Variants in GCNT1 observed in about 807,000 individuals in gnomAD.
GCNT1 encodes glucosaminyl (N-acetyl) transferase 1, also known as beta-1,3-galactosyl-O-glycosyl-glycoprotein beta-1,6-N-acetylglucosaminyltransferase.
In GCNT1, 16 loss-of-function variants were observed where a neutral mutation model predicts 26.2. The observed-to-expected ratio is 0.61, with a 90% CI of 0.41 to 0.93. The LOEUF is 0.93. Ranked by LOEUF, GCNT1 falls within the 40% of genes least tolerant of loss-of-function variation. The pLI is 0.00. For synonymous variants in GCNT1, 183 were observed against 190.8 expected (o/e 0.96, Z 0.34); for missense variants, 477 against 526.7 (o/e 0.91, Z 0.92).
At chr9:76,402,798 G>A in the GCNT1 span, among the ~76,000 whole-genome samples, 1 of 151,750 alleles carries the variant, frequency 6.6e-6, no homozygotes, top group African/African-American at 2.4e-5. Context: ...TCCTGCCTCA[G>A]CCTCCTGAGT....
intron 1 of GCNT1, among the ~76,000 whole-genome samples, chr9:76,452,377 T>C (rs901496169): frequency 6.6e-6 from 1 of 152,220 alleles, no homozygotes; most frequent in African/African-American, 2.4e-5. Flanking sequence ...TATGCTCCAC[T>C]AGTCTATCTT....
intron 2 of GCNT1, among the ~76,000 whole-genome samples, chr9:76,498,787 A>G (rs111266298): frequency 6.9e-4 from 65 of 93,882 alleles, no homozygotes; most frequent in South Asian, 4.1e-3. Context: ...AAAAAAAAAA[A>G]AAAGAAAAAA....
At chr9:76,437,080 A>T (rs1823420067), upstream of GCNT1, among the ~76,000 whole-genome samples, 1 of 152,162 alleles carries the variant, frequency 6.6e-6, no homozygotes, top group Non-Finnish European at 1.5e-5. Flanking sequence ...CACATTGTGC[A>T]CATGTACCCT....
chr9:76,424,105 G>A (rs1179411337), intron 1 of GCNT1, among the ~76,000 whole-genome samples: 1 of 152,148 alleles, frequency 6.6e-6, no homozygotes, highest in Admixed American at 6.6e-5. Flanking sequence ...AGCAGGAGTG[G>A]GGGAAGAATT....
chr9:76,437,594 T>C (rs895810300), upstream of GCNT1, among the ~76,000 whole-genome samples: 2 of 152,202 alleles, frequency 1.3e-5, no homozygotes, highest in Non-Finnish European at 2.9e-5. Flanking sequence ...TAGCCATTCT[T>C]TAGTCCCTTA....
At position 76,503,434 on chromosome 9, in the gene GCNT1, C is replaced by G; in HGVS notation, c.1053C>G (p.Ala351=). The G allele has an allele frequency of 1.2e-6, 2 of 1,614,108 alleles. No individual in the cohort carries two copies. Among genetic ancestry groups the G allele is most frequent in the Non-Finnish European group, 1.7e-6 (2 of 1,180,000 alleles). ...ATCTGTCTGACATGCAAGCAGTTGC[C>G]AGGTTTGTCAAGTGGCAGTACTTTG... ...KYDLSDMQAV[A]RFVKWQYFEG... The change falls in exon 4 of 4, where the codon GCC becomes GCG. Residue 351 remains alanine, a synonymous_variant. Coordinates refer to ENST00000376730, the MANE Select transcript of GCNT1 (RefSeq NM_001490.5).
the GCNT1 span, among the ~76,000 whole-genome samples, chr9:76,411,697 CTTTTT>C: frequency 1.2e-5 from 1 of 83,652 alleles, no homozygotes; most frequent in Admixed American, 1.6e-4. Context: ...ATCAATTATA[CTTTTT>C]TTTTTTTTTT....
intron 2 of GCNT1, among the ~76,000 whole-genome samples, chr9:76,479,611 GTGA>G (rs1411459571): frequency 2.0e-5 from 3 of 152,250 alleles, no homozygotes; most frequent in African/African-American, 7.2e-5. Flanking sequence ...CTGATGGCCA[GTGA>G]TGATGAGCAT....
chr9:76,409,230 C>A, the GCNT1 span, among the ~76,000 whole-genome samples: 1 of 152,110 alleles, frequency 6.6e-6, no homozygotes, highest in Non-Finnish European at 1.5e-5. Flanking sequence ...GATTTGTAGA[C>A]ATAGAGAGTT....
At chr9:76,413,735 T>A in the GCNT1 span, among the ~76,000 whole-genome samples, 4 of 151,372 alleles carry the variant, frequency 2.6e-5, no homozygotes, top group Non-Finnish European at 5.9e-5. Context: ...TGTAGTTTGA[T>A]GTCTGACATT....
chr9:76,415,840 T>C (rs758260212), upstream of GCNT1, among the ~76,000 whole-genome samples: 3 of 152,216 alleles, frequency 2.0e-5, no homozygotes, highest in Admixed American at 6.5e-5. Context: ...TGTCTTTCCA[T>C]TGTGATTTTG....
intron 2 of GCNT1, among the ~76,000 whole-genome samples, chr9:76,494,024 T>G (rs1824828163): frequency 2.0e-5 from 3 of 151,692 alleles, no homozygotes; most frequent in Non-Finnish European, 1.5e-5. Context: ...GATGCCTGAG[T>G]GTTTCCCATC....
chr9:76,456,497 ACTCT>A (rs1343560586), upstream of GCNT1, among the ~76,000 whole-genome samples: 2 of 151,744 alleles, frequency 1.3e-5, no homozygotes, highest in Non-Finnish European at 2.9e-5. Flanking sequence ...TCCTGCAGTT[ACTCT>A]CTCTCTGTTA....
intron 1 of GCNT1, among the ~76,000 whole-genome samples, chr9:76,453,985 C>T (rs929801731): frequency 5.9e-5 from 9 of 152,120 alleles, no homozygotes; most frequent in African/African-American, 4.8e-5. Context: ...AGGGGAGGGA[C>T]GGCATTCTAA....
chr9:76,395,676 G>T, the GCNT1 span, among the ~76,000 whole-genome samples: 1 of 151,872 alleles, frequency 6.6e-6, no homozygotes, highest in African/African-American at 2.4e-5. Flanking sequence ...GGAAGGGAAG[G>T]GAGAGAAGGA....
chr9:76,483,556 A>G (rs1219867715), intron 2 of GCNT1, among the ~76,000 whole-genome samples: 1 of 152,128 alleles, frequency 6.6e-6, no homozygotes, highest in East Asian at 1.9e-4. Flanking sequence ...CTGGGTCTAC[A>G]GGCGTGCACC....
At chr9:76,437,294 T>C (rs6560522), upstream of GCNT1, among the ~76,000 whole-genome samples, 99,939 of 151,748 alleles carry the variant, frequency 0.66, 33,493 homozygotes, top group African/African-American at 0.75. Flanking sequence ...GGGAGGTCGG[T>C]ACTTAGATAC....
intron 2 of GCNT1, among the ~76,000 whole-genome samples, chr9:76,498,986 T>C (rs1824987346): frequency 2.0e-5 from 3 of 152,134 alleles, no homozygotes; most frequent in African/African-American, 7.2e-5. Context: ...CTGTCTAGAA[T>C]CTTTTCATTT....
intron 1 of GCNT1, among the ~76,000 whole-genome samples, chr9:76,423,055 G>A (rs1221950225): frequency 6.6e-6 from 1 of 152,148 alleles, no homozygotes; most frequent in African/African-American, 2.4e-5. Flanking sequence ...TTGACTTAAG[G>A]TATTTTCAAT....
Sources: allele counts gnomAD v4.1 joint callset (sites outside exome capture counted in the v4.1 genomes callset), GRCh38; gene constraint gnomAD v4.1.1; transcripts MANE v1.5; gene names NCBI Gene and HGNC (gene_info 2026-07-23, HGNC 2026-07-21).